CPNE5: variants seen among roughly 807,000 people sequenced by gnomAD.
CPNE5 encodes copine-5.
CPNE5 carries 42 observed loss-of-function variants against 81.1 expected under a neutral mutation model. The observed-to-expected ratio is 0.52, with a 90% confidence interval of 0.40 to 0.67. The LOEUF (loss-of-function observed/expected upper bound fraction) is 0.67. Ranked by LOEUF, CPNE5 falls within the 30% of genes least tolerant of loss-of-function variation. The probability of loss-of-function intolerance (pLI) is 0.00; values close to 1 mark genes in which losing one functional copy is unlikely to be tolerated. For missense variants in CPNE5, 612 were observed against 815.5 expected, an observed-to-expected ratio of 0.75 and a Z score of 3.04; for synonymous variants, 313 against 321.5, an observed-to-expected ratio of 0.97 and a Z score of 0.28.
chr6:36,814,594 G>C (rs1056618289), intron 3 of CPNE5, among the ~76,000 whole-genome samples: 1 of 152,114 alleles, frequency 6.6e-6, no homozygotes, highest in Admixed American at 6.6e-5. Flanking sequence ...GTAATCCTCA[G>C]AAGCAGACAC....
intron 1 of CPNE5, among the ~76,000 whole-genome samples, chr6:36,837,055 G>C (rs1773581317): frequency 6.6e-6 from 1 of 152,222 alleles, no homozygotes. Context: ...CAAGAGGTTT[G>C]AGTCCTTTGG....
In CPNE5 at chr6:36,823,589, CA is replaced by C. The variant is rs375390238; in HGVS notation, c.96-492del. On this transcript the variant is annotated intron_variant, in intron 1 of 20. Coordinates refer to ENST00000244751, the MANE Select transcript of CPNE5 (RefSeq NM_020939.2). ...TGATAGATTAATGAATTACACCTCCCAGGGGAAGCCGACTCATTTGGACAAG... is the reference window on the plus strand; with the variant it reads ...TGATAGATTAATGAATTACACCTCCCGGGGAAGCCGACTCATTTGGACAAG... Among the ~76,000 whole-genome samples the C allele has an allele frequency of 3.7e-3, 571 of 152,304 alleles. 5 individuals are homozygous for C. Among genetic ancestry groups the C allele is most frequent in the African/African-American group, 0.011 (478 of 41,570 alleles).
chr6:36,805,275 G>T (rs929045328), intron 3 of CPNE5, among the ~76,000 whole-genome samples: 2 of 152,260 alleles, frequency 1.3e-5, no homozygotes, highest in Non-Finnish European at 2.9e-5. Context: ...CCTGCTTAGG[G>T]AAGGAGCAGG....
intron 3 of CPNE5, among the ~76,000 whole-genome samples, chr6:36,820,256 G>A (rs915786109): frequency 2.0e-5 from 3 of 152,020 alleles, no homozygotes; most frequent in Non-Finnish European, 4.4e-5. Context: ...AGGGAGCGAG[G>A]AGGCAGAGGT....
At chr6:36,763,061 C>T in intron 11 of CPNE5, 69 bp from the exon 12 acceptor site, 1 of 1,373,862 alleles carries the variant, frequency 7.3e-7, no homozygotes, top group South Asian at 1.2e-5. Context: ...CCCAGCCTTG[C>T]ACACATCCGT....
chr6:36,786,622 T>G (rs1043096490), intron 8 of CPNE5, among the ~76,000 whole-genome samples: 5 of 152,208 alleles, frequency 3.3e-5, no homozygotes, highest in Non-Finnish European at 7.3e-5. Flanking sequence ...TTCACTACAG[T>G]ATTATTTATA....
chr6:36,751,434 A>G (rs1056194634), intron 14 of CPNE5, among the ~76,000 whole-genome samples: 1 of 152,194 alleles, frequency 6.6e-6, no homozygotes, highest in Non-Finnish European at 1.5e-5. Flanking sequence ...TAAAATGGGG[A>G]TAACTGTTCT....
chr6:36,778,356 T>C (rs1307462018), intron 9 of CPNE5, among the ~76,000 whole-genome samples: 1 of 152,178 alleles, frequency 6.6e-6, no homozygotes, highest in Non-Finnish European at 1.5e-5. Flanking sequence ...ATGAAGCCTA[T>C]GGCAGAGTGT....
intron 10 of CPNE5, among the ~76,000 whole-genome samples, chr6:36,773,584 A>T (rs1767232652): frequency 1.3e-5 from 2 of 152,170 alleles, no homozygotes; most frequent in Non-Finnish European, 2.9e-5. Context: ...TGAGATGCTG[A>T]ATTTGGTATT....
chr6:36,761,821 C>T (rs1422691223), intron 12 of CPNE5, among the ~76,000 whole-genome samples: 1 of 152,104 alleles, frequency 6.6e-6, no homozygotes, highest in Non-Finnish European at 1.5e-5. Context: ...AAGTATCTGC[C>T]ATTAAGTGGG....
intron 3 of CPNE5, among the ~76,000 whole-genome samples, chr6:36,816,709 T>C (rs553285348): frequency 3.9e-5 from 6 of 152,246 alleles, no homozygotes; most frequent in Non-Finnish European, 7.3e-5. Flanking sequence ...TCTCCATTCC[T>C]GATACTTTCC....
chr6:36,788,705 G>A (rs930102891), intron 8 of CPNE5, among the ~76,000 whole-genome samples: 1 of 121,374 alleles, frequency 8.2e-6, no homozygotes, highest in Admixed American at 7.9e-5. Context: ...ATTGAACCTT[G>A]GGTGATTCAG....
intron 7 of CPNE5, among the ~76,000 whole-genome samples, chr6:36,794,175 G>T (rs558969961): frequency 6.6e-6 from 1 of 151,196 alleles, no homozygotes. Flanking sequence ...AGGGGAACAG[G>T]GGGGAAAGGA....
Position 36,745,486 on chromosome 6 carries a change from A to G in CPNE5, c.1230T>C (p.Cys410=), listed in dbSNP as rs763046. 1,307,061 of 1,596,702 alleles carry G rather than the reference A, an allele frequency of 0.82. 537,465 individuals carry two copies. Among genetic ancestry groups the G allele is most frequent in the African/African-American group, 0.87 (65,307 of 74,808 alleles). ...AGGCCTCCAGGATGCCGTCGATGCC[A>G]CAGCATGAGGGGTTCTCCTGGTTGC... ...LNGNQENPSC[C]GIDGILEAYH... is the part of the protein sequence containing the mutation. Residue 410 remains cysteine, a synonymous_variant, in exon 17 of 21, where the codon TGT becomes TGC. Transcript: ENST00000244751.
Position 36,742,238 on chromosome 6 carries a change from G to A in CPNE5, c.*30C>T, listed in dbSNP as rs1224833723. Reference sequence around the variant, plus strand: ...CTCCCATTCACCTGGCCTCTCCCAGGCCCCAGCCACCTGCCTGCTGAGACC... The same window carrying A: ...CTCCCATTCACCTGGCCTCTCCCAGACCCCAGCCACCTGCCTGCTGAGACC... On this transcript the variant is annotated 3_prime_UTR_variant, in exon 21 of 21. Coordinates refer to ENST00000244751, the MANE Select transcript of CPNE5 (RefSeq NM_020939.2). The A allele has an allele frequency of 1.3e-6, 2 of 1,511,142 alleles. No homozygotes were observed. Among genetic ancestry groups the A allele is most frequent in the Non-Finnish European group, 9.0e-7 (1 of 1,117,114 alleles). 93.6% of individuals were successfully genotyped at this position (1,511,142 alleles called of 1,614,324 possible). A position where few individuals can be genotyped will look rare whatever the true frequency, so the allele number is the denominator to read the frequency against.
rs754835481 is a variant in CPNE5, at chr6:36,783,475, C to T, written c.529-4518G>A. ...AATTCATTGAATCCTTTCGACAACC[C>T]TATGAGGAAGGCACTGTTATTATTC... On this transcript the variant is annotated intron_variant, in intron 8 of 20. Transcript: ENST00000244751. Among the ~76,000 whole-genome samples the T allele has an allele frequency of 3.9e-4, 59 of 151,332 alleles. 1 individual carries two copies. The highest frequency in any genetic ancestry group is 7.4e-5 in the Non-Finnish European group (5 of 67,968).
chr6:36,785,761 C>T (rs1205410794), intron 8 of CPNE5, among the ~76,000 whole-genome samples: 1 of 152,016 alleles, frequency 6.6e-6, no homozygotes, highest in African/African-American at 2.4e-5. Flanking sequence ...GCCTGTAATC[C>T]CAGCACTTTG....
chr6:36,742,622 T>C (rs1412577886), intron 20 of CPNE5, 136 bp from the exon 21 acceptor site: 7 of 1,422,510 alleles, frequency 4.9e-6, no homozygotes, highest in Non-Finnish European at 6.4e-6. Context: ...CTTTCTGAAT[T>C]ACCTGAGGGA....
chr6:36,780,436 A>G (rs1303673790), intron 8 of CPNE5, among the ~76,000 whole-genome samples: 1 of 152,202 alleles, frequency 6.6e-6, no homozygotes, highest in East Asian at 1.9e-4. Flanking sequence ...CAGGCTGCCT[A>G]CTTCAGTCCC....
Sources: gnomAD v4.1 joint callset for allele counts (sites outside exome capture counted in the v4.1 genomes callset) on GRCh38, gnomAD v4.1.1 for gene constraint, MANE v1.5 for transcripts, NCBI Gene and HGNC (gene_info 2026-07-23, HGNC 2026-07-21) for gene names.